The following CAVIN1 variants were observed in gnomAD, a reference collection of about 807,000 sequenced individuals.
CAVIN1 encodes the protein caveolae-associated protein 1.
A neutral mutation model predicts 24.0 loss-of-function variants in CAVIN1; 16 were observed. The observed-to-expected ratio is 0.67, with a 90% CI of 0.45 to 1.01. CAVIN1 has a LOEUF of 1.01. CAVIN1 is among the 50% of genes least tolerant of loss of function. The pLI is 0.00. For synonymous variants in CAVIN1, 256 were observed against 256.4 expected (o/e 1.00, Z 0.02); for missense variants, 510 against 551.7 (o/e 0.92, Z 0.76).
chr17:42,408,492 G>T (rs200113042), intron 1 of CAVIN1, among the ~76,000 whole-genome samples: 1 of 151,804 alleles, frequency 6.6e-6, no homozygotes, highest in East Asian at 1.9e-4. Context: ...TTGTTTTTTA[G>T]TTTTTTTGTT....
chr17:42,420,773 A>C (rs2085540121), intron 1 of CAVIN1, among the ~76,000 whole-genome samples: 1 of 152,092 alleles, frequency 6.6e-6, no homozygotes, highest in Admixed American at 6.6e-5. Flanking sequence ...TGGCATAGGG[A>C]AGTTTACCTC....
chr17:42,413,219 C>T (rs998681186), intron 1 of CAVIN1, among the ~76,000 whole-genome samples: 1 of 152,082 alleles, frequency 6.6e-6, no homozygotes, highest in Non-Finnish European at 1.5e-5. Context: ...AGGCATGAGC[C>T]ACCATCATGC....
rs1431178600 is a variant in CAVIN1 at position 42,404,982 on chromosome 17, G to T, written c.878C>A (p.Ser293Ter). Residue 293 changes from serine (S) to a stop codon, truncating the protein, a stop_gained, in exon 2 of 2, where the codon TCG becomes TAG. Transcript: ENST00000357037. LOFTEE classifies it high-confidence loss of function. ...GAAGGATTTGCGCAACTTGTCCCGC[G>T]ACGTCTTCAGTTTCTCGCGCCGCTC... The part of the protein sequence containing the change: ...PAERREKLKT[S>*]RDKLRKSFTP... 1.2e-6 allele frequency: 2 copies of T among 1,614,046 alleles called. No homozygotes were observed. The highest frequency in any genetic ancestry group is 1.7e-6 in the Non-Finnish European group (2 of 1,180,030).
chr17:42,412,349 T>C (rs1057376917), intron 1 of CAVIN1: 1 of 885,338 alleles, frequency 1.1e-6, no homozygotes, highest in African/African-American at 1.8e-5. Context: ...GGCTGGTGAG[T>C]AGGGAGGGGA....
chr17:42,420,467 C>T (rs745412795), intron 1 of CAVIN1, among the ~76,000 whole-genome samples: 10 of 152,194 alleles, frequency 6.6e-5, no homozygotes, highest in Non-Finnish European at 1.3e-4. Context: ...CTTTTCCTTA[C>T]GTCTGAAGTC....
chr17:42,409,733 T>A (rs2085465076), intron 1 of CAVIN1, among the ~76,000 whole-genome samples: 1 of 151,844 alleles, frequency 6.6e-6, no homozygotes. Context: ...TCCAAAATCA[T>A]CTCCCTCCAC....
intron 1 of CAVIN1, among the ~76,000 whole-genome samples, chr17:42,414,018 C>T (rs2085497452): frequency 6.6e-6 from 1 of 152,172 alleles, no homozygotes; most frequent in Non-Finnish European, 1.5e-5. Flanking sequence ...CTGCCTCAGC[C>T]TCCCTAGTAG....
intron 1 of CAVIN1, among the ~76,000 whole-genome samples, chr17:42,415,234 C>T (rs1332429928): frequency 6.6e-6 from 1 of 152,084 alleles, no homozygotes; most frequent in Admixed American, 6.6e-5. Context: ...GAGCCCAGAA[C>T]GGAAGGAGGG....
chr17:42,414,777 C>T (rs1223920887), intron 1 of CAVIN1, among the ~76,000 whole-genome samples: 5 of 152,062 alleles, frequency 3.3e-5, no homozygotes, highest in Non-Finnish European at 7.4e-5. Context: ...ACCTCCCCTG[C>T]AGGGTACAAG....
At position 42,413,610 on chromosome 17, in the gene CAVIN1, G is replaced by A. The variant is rs547170433; in HGVS notation, c.472-8222C>T. On this transcript the variant is annotated intron_variant, in intron 1 of 1. Coordinates refer to ENST00000357037, the MANE Select transcript of CAVIN1 (RefSeq NM_012232.6). The stretch of plus-strand genomic sequence containing the variant: ...AAAAAAAAAAAAAAAGAGGTCCCTG[G>A]GGCCAAAAGGGGTGGGGCAAACTCA... Among the ~76,000 whole-genome samples, 27 of 129,500 alleles carry A rather than the reference G, an allele frequency of 2.1e-4. No homozygotes were observed. The South Asian group carries it at 6.3e-3, about 30-fold the overall frequency. 85.0% of individuals were successfully genotyped at this position (129,500 alleles called of 152,430 possible). A position where few individuals can be genotyped will look rare whatever the true frequency, so the allele number is the denominator to read the frequency against.
At chr17:42,416,679 A>T (rs2085514084) in intron 1 of CAVIN1, among the ~76,000 whole-genome samples, 1 of 150,548 alleles carries the variant, frequency 6.6e-6, no homozygotes, top group Non-Finnish European at 1.5e-5. Flanking sequence ...CCCTAAAAAT[A>T]CCCTCCCTGC....
rs376322876 is a variant in CAVIN1 at position 42,410,875 on chromosome 17, G to A, written c.472-5487C>T. On this transcript the variant is annotated intron_variant, in intron 1 of 1. Coordinates refer to ENST00000357037, the MANE Select transcript of CAVIN1 (RefSeq NM_012232.6). ...TGCCACTGTAATCCAGCCTGGCGAC[G>A]GAGTGAGACTCTGTCTCAAAAAAAA... 5.1e-4 allele frequency among the ~76,000 whole-genome samples: 56 copies of A among 109,354 alleles called. 1 individual carries two copies. Among genetic ancestry groups the A allele is most frequent in the African/African-American group, 1.8e-3 (50 of 27,312 alleles). 71.7% of individuals were successfully genotyped at this position (109,354 alleles called of 152,430 possible).
intron 1 of CAVIN1, among the ~76,000 whole-genome samples, chr17:42,409,658 C>T (rs983863341): frequency 6.6e-6 from 1 of 152,046 alleles, no homozygotes; most frequent in Non-Finnish European, 1.5e-5. Context: ...CCCCATGACT[C>T]ACAGCCTTGG....
Position 42,403,996 on chromosome 17 carries a change from G to T in CAVIN1, c.*691C>A, listed in dbSNP as rs911634105. The T allele has an allele frequency of 6.6e-6, 1 of 152,634 alleles. No homozygotes were observed. Among genetic ancestry groups the T allele is most frequent in the African/African-American group, 2.4e-5 (1 of 41,442 alleles). The allele number at this position is 152,634 out of a possible 1,614,324, so 9.5% of individuals were successfully genotyped here. On this transcript the variant is annotated 3_prime_UTR_variant, in exon 2 of 2. Transcript: ENST00000357037. ...CAAAGCCATGGCCATGCGCTCCTGT[G>T]TACAGGTGCATAAACACATCAGTGT...
chr17:42,414,894 T>C (rs1025660111), intron 1 of CAVIN1, among the ~76,000 whole-genome samples: 3 of 151,434 alleles, frequency 2.0e-5, no homozygotes, highest in Non-Finnish European at 4.4e-5. Flanking sequence ...GACCAGGAGC[T>C]CCACTCCTCC....
chr17:42,411,021 G>A (rs999759151), intron 1 of CAVIN1, among the ~76,000 whole-genome samples: 1 of 143,656 alleles, frequency 7.0e-6, no homozygotes, highest in Non-Finnish European at 1.5e-5. Context: ...TCGAAACCCC[G>A]TCTCTACCAA....
intron 1 of CAVIN1, among the ~76,000 whole-genome samples, chr17:42,417,604 T>C (rs2085519918): frequency 6.6e-6 from 1 of 152,200 alleles, no homozygotes; most frequent in Non-Finnish European, 1.5e-5. Context: ...CTACCAGTTG[T>C]ATAAAAGTCT....
At chr17:42,406,266 T>C (rs984235048) in intron 1 of CAVIN1, among the ~76,000 whole-genome samples, 8 of 151,954 alleles carry the variant, frequency 5.3e-5, no homozygotes, top group Admixed American at 2.0e-4. Flanking sequence ...GAAAAGCAAG[T>C]GGTGGGAGTG....
rs915380482 is a variant in CAVIN1, at chr17:42,423,143, G to C, written c.-46C>G. On this transcript the variant is annotated 5_prime_UTR_variant, in exon 1 of 2. Coordinates refer to ENST00000357037, the MANE Select transcript of CAVIN1 (RefSeq NM_012232.6). ...GACCGGCCGGGTGGGGCTGGAGCTG[G>C]AGCGGGAGACCCGGAGAGAAGCAGG... is the stretch of plus-strand genomic sequence containing the variant. 1 of 1,411,874 alleles carries C rather than the reference G, an allele frequency of 7.1e-7. No individual in the cohort carries two copies. The highest frequency in any genetic ancestry group is 2.5e-5 in the East Asian group (1 of 40,294). 87.5% of individuals were successfully genotyped at this position (1,411,874 alleles called of 1,614,324 possible). A position where few individuals can be genotyped will look rare whatever the true frequency, so the allele number is the denominator to read the frequency against.
Sources: allele counts gnomAD v4.1 joint callset (sites outside exome capture counted in the v4.1 genomes callset), GRCh38; gene constraint gnomAD v4.1.1; transcripts MANE v1.5; gene names NCBI Gene and HGNC (gene_info 2026-07-23, HGNC 2026-07-21).